EPHB2: variants seen among roughly 807,000 people sequenced by gnomAD.
EPHB2 encodes the protein EPH receptor B2.
A neutral mutation model predicts 96.4 loss-of-function variants in EPHB2; 18 were observed. That is an observed-to-expected ratio of 0.19 (90% CI 0.13 to 0.28). EPHB2 has a LOEUF of 0.28. EPHB2 is among the 10% of genes least tolerant of loss of function. EPHB2 has a pLI of 1.00. For missense variants in EPHB2, 989 were observed against 1,355.4 expected (o/e 0.73, Z 4.25); for synonymous variants, 506 against 534.1 (o/e 0.95, Z 0.72).
chr1:22,839,784 C>G lies in EPHB2; in HGVS notation c.812-23253C>G, dbSNP rs147278250. Among the ~76,000 whole-genome samples, 1,093 of 152,224 alleles carry G rather than the reference C, an allele frequency of 7.2e-3. 14 individuals are homozygous for G. The highest frequency in any genetic ancestry group is 0.047 in the South Asian group (228 of 4,820). ...CCCTGGTGAATGGGCAAAGTTGGGA[C>G]TTGGGAGGAGAAACTCAGGAGGTAG... is the stretch of plus-strand genomic sequence containing the variant. On this transcript the variant is annotated intron_variant, in intron 3 of 15. Coordinates refer to ENST00000374630, the MANE Select transcript of EPHB2 (RefSeq NM_017449.5).
At chr1:22,767,537 G>A (rs1644323870) in intron 1 of EPHB2, among the ~76,000 whole-genome samples, 1 of 152,220 alleles carries the variant, frequency 6.6e-6, no homozygotes, top group East Asian at 1.9e-4. Flanking sequence ...GGAAAGCTTA[G>A]AGGAGCTCAG....
Position 22,790,470 on chromosome 1 carries a change from G to T in EPHB2, c.811+5394G>T, listed in dbSNP as rs1169314435. Among the ~76,000 whole-genome samples, 1 of 152,152 alleles carries T rather than the reference G, an allele frequency of 6.6e-6. No individual in the cohort carries two copies. Among genetic ancestry groups the T allele is most frequent in the Non-Finnish European group, 1.5e-5 (1 of 68,030 alleles). ...AAGGTGTCCCTGGAATGCCTTCTTT[G>T]CAGCAGCTGCCCGCACCCAAGTCTG... On this transcript the variant is annotated intron_variant, in intron 3 of 15. Coordinates refer to ENST00000374630, the MANE Select transcript of EPHB2 (RefSeq NM_017449.5). The surrounding 1 kb of genome is among the most constrained non-coding windows in gnomAD (Gnocchi z 4.0).
intron 1 of EPHB2, among the ~76,000 whole-genome samples, chr1:22,727,496 C>A (rs978934436): frequency 1.3e-5 from 2 of 152,198 alleles, no homozygotes; most frequent in Non-Finnish European, 2.9e-5. Context: ...GGCCTCAGCT[C>A]TTCCATCGAG....
At chr1:22,778,641 C>T (rs766642768) in intron 1 of EPHB2, among the ~76,000 whole-genome samples, 3 of 152,202 alleles carry the variant, frequency 2.0e-5, no homozygotes, top group African/African-American at 4.8e-5. Context: ...GATCTGCAAA[C>T]TTCATGTCCT....
chr1:22,763,549 T>C lies in EPHB2; in HGVS notation c.62-17872T>C, dbSNP rs189227258. Among the ~76,000 whole-genome samples the C allele has an allele frequency of 1.0e-3, 154 of 152,066 alleles. 1 individual carries two copies. Among genetic ancestry groups the C allele is most frequent in the African/African-American group, 3.6e-3 (149 of 41,494 alleles). On this transcript the variant is annotated intron_variant, in intron 1 of 15. Transcript: ENST00000374630. ...GCCAGGCCCTCCCCCCCACTTCAAA[T>C]GCCCTTCAGCAGAGGGTCTGGGTGG...
chr1:22,823,573 TA>T (rs34345925), intron 3 of EPHB2, among the ~76,000 whole-genome samples: 34,634 of 152,166 alleles, frequency 0.23, 4,067 homozygotes, highest in South Asian at 0.33. Context: ...CTCATACAGT[TA>T]GGAACTGTGT....
chr1:22,743,807 C>G (rs753345036), intron 1 of EPHB2, among the ~76,000 whole-genome samples: 8 of 152,210 alleles, frequency 5.3e-5, no homozygotes, highest in African/African-American at 1.9e-4. Context: ...CCCCAAAGCT[C>G]TGAGTACAGT....
At chr1:22,765,472 T>A (rs12746187) in intron 1 of EPHB2, among the ~76,000 whole-genome samples, 1 of 142,676 alleles carries the variant, frequency 7.0e-6, no homozygotes, top group Non-Finnish European at 1.5e-5. Flanking sequence ...ACTTGAACCC[T>A]GGAGGCGGAG....
rs775899247 is a variant in EPHB2, at chr1:22,846,897, C to T, written c.812-16140C>T. Among the ~76,000 whole-genome samples the T allele has an allele frequency of 4.0e-4, 61 of 152,186 alleles. No individual in the cohort carries two copies. The highest frequency in any genetic ancestry group is 3.8e-4 in the Non-Finnish European group (26 of 68,036). On this transcript the variant is annotated intron_variant, in intron 3 of 15. Transcript: ENST00000374630. The surrounding 1 kb of genome is among the most constrained non-coding windows in gnomAD (Gnocchi z 4.3). ...CATTGTTTGGAAACTGCTTACTGAC[C>T]GGGGCATCTTCCCCACCAGGCTGGG...
chr1:22,721,781 T>C lies in EPHB2; in HGVS notation c.61+10738T>C, dbSNP rs577369447. 4.7e-3 allele frequency among the ~76,000 whole-genome samples: 596 copies of C among 127,222 alleles called. 4 individuals are homozygous for C. The highest frequency in any genetic ancestry group is 0.019 in the African/African-American group (565 of 29,302). 83.5% of individuals were successfully genotyped at this position (127,222 alleles called of 152,430 possible). A position where few individuals can be genotyped will look rare whatever the true frequency, so the allele number is the denominator to read the frequency against. On this transcript the variant is annotated intron_variant, in intron 1 of 15. Transcript: ENST00000374630. ...TAGGCACCTGCCACCGCATCCAGCA[T>C]TTTTTTTTTTTTTGTAGAGACAGAG...
At chr1:22,756,698 A>G (rs1644157308) in intron 1 of EPHB2, among the ~76,000 whole-genome samples, 1 of 152,032 alleles carries the variant, frequency 6.6e-6, no homozygotes, top group African/African-American at 2.4e-5. Context: ...ACCCCACCCC[A>G]TCTCACTGGG....
intron 3 of EPHB2, among the ~76,000 whole-genome samples, chr1:22,849,730 A>T (rs1257921094): frequency 6.6e-6 from 1 of 152,206 alleles, no homozygotes; most frequent in African/African-American, 2.4e-5. Context: ...AAGTGGGAGA[A>T]AATTGTATTG....
chr1:22,781,767 T>A (rs1386716337), intron 2 of EPHB2, among the ~76,000 whole-genome samples: 1 of 152,128 alleles, frequency 6.6e-6, no homozygotes, highest in African/African-American at 2.4e-5. Flanking sequence ...CTACCCCCGT[T>A]TTACAGATGA....
intron 1 of EPHB2, among the ~76,000 whole-genome samples, chr1:22,780,886 G>A (rs1644519669): frequency 6.6e-6 from 1 of 152,080 alleles, no homozygotes; most frequent in South Asian, 2.1e-4. Context: ...GGCATCAGAT[G>A]ATTGGCTAGG....
intron 8 of EPHB2, 27 bp from the exon 9 acceptor site, chr1:22,896,387 T>A (rs747356106): frequency 2.5e-6 from 4 of 1,613,946 alleles, no homozygotes; most frequent in Non-Finnish European, 3.4e-6. Flanking sequence ...TTCAGGTGGC[T>A]CCAGCCCTTT....
At chr1:22,719,485 G>A (rs1643381758) in intron 1 of EPHB2, 1 of 154,292 alleles carries the variant, frequency 6.5e-6, no homozygotes, top group African/African-American at 2.4e-5. Context: ...ACAGTTGGCT[G>A]GAGTGACTGC....
At chr1:22,877,464 C>T (rs1464523901) in intron 5 of EPHB2, among the ~76,000 whole-genome samples, 1 of 152,156 alleles carries the variant, frequency 6.6e-6, no homozygotes, top group East Asian at 1.9e-4. Context: ...AGTTGAGGAG[C>T]AGGTTGCCAC....
chr1:22,821,821 G>A (rs541015772), intron 3 of EPHB2, among the ~76,000 whole-genome samples: 1 of 152,322 alleles, frequency 6.6e-6, no homozygotes, highest in Admixed American at 6.5e-5. Flanking sequence ...GGATCTTAAA[G>A]GTCTTTCCTG....
At chr1:22,825,876 C>T (rs116603773) in intron 3 of EPHB2, among the ~76,000 whole-genome samples, 2,110 of 152,278 alleles carry the variant, frequency 0.014, 52 homozygotes, top group African/African-American at 0.048. Context: ...AAATGAGGAT[C>T]GTCTGGGGGG....
Sources: allele counts gnomAD v4.1 joint callset (sites outside exome capture counted in the v4.1 genomes callset), GRCh38; gene constraint gnomAD v4.1.1; non-coding constraint Gnocchi (gnomAD v3.1); transcripts MANE v1.5; gene names NCBI Gene and HGNC (gene_info 2026-07-23, HGNC 2026-07-21).